The following TESK2 variants were observed in gnomAD, a reference collection of about 807,000 sequenced individuals.
The protein encoded by TESK2 is testis associated actin remodelling kinase 2.
Under a neutral mutation model 57.1 loss-of-function variants are expected in TESK2, and 39 were observed. That is an observed-to-expected ratio of 0.68 (90% confidence interval 0.53 to 0.89). The LOEUF (loss-of-function observed/expected upper bound fraction) is 0.89. Ranked by LOEUF, TESK2 falls within the 40% of genes least tolerant of loss-of-function variation. TESK2 has a pLI of 0.00. For synonymous variants in TESK2, 249 were observed against 267.9 expected, an observed-to-expected ratio of 0.93 and a Z score of 0.69; for missense variants, 646 against 732.1, an observed-to-expected ratio of 0.88 and a Z score of 1.36.
chr1:45,415,043 T>C (rs1650183756), intron 3 of TESK2: 1 of 1,202,796 alleles, frequency 8.3e-7, no homozygotes, highest in Non-Finnish European at 1.2e-6. Flanking sequence ...CACCATGTTC[T>C]TCAACATCAC....
chr1:45,350,094 A>G (rs944639609), intron 5 of TESK2, among the ~76,000 whole-genome samples: 4 of 152,182 alleles, frequency 2.6e-5, no homozygotes, highest in African/African-American at 9.7e-5. Flanking sequence ...GTGAGCCAAG[A>G]TCACACCACT....
chr1:45,471,113 C>G (rs1353325752), intron 1 of TESK2, among the ~76,000 whole-genome samples: 1 of 152,038 alleles, frequency 6.6e-6, no homozygotes. Flanking sequence ...CACCTATAGT[C>G]CCAGCTACTC....
intron 9 of TESK2, among the ~76,000 whole-genome samples, 186 bp downstream of exon 9, chr1:45,346,507 C>G (rs982362485): frequency 3.9e-5 from 6 of 152,184 alleles, no homozygotes; most frequent in African/African-American, 1.4e-4. Flanking sequence ...CAACTTCTTT[C>G]TTTCCTTTGT....
At chr1:45,412,960 C>T (rs1296658294) in intron 3 of TESK2, among the ~76,000 whole-genome samples, 1 of 152,078 alleles carries the variant, frequency 6.6e-6, no homozygotes, top group Admixed American at 6.6e-5. Flanking sequence ...GCAGAGATTG[C>T]AGTGAGCCTG....
At chr1:45,461,668 T>C (rs1237244926) in intron 1 of TESK2, among the ~76,000 whole-genome samples, 2 of 152,186 alleles carry the variant, frequency 1.3e-5, no homozygotes, top group Non-Finnish European at 2.9e-5. Flanking sequence ...TGAAGTAATA[T>C]ACAAAACATA....
chr1:45,390,449 G>A (rs1026650050), intron 3 of TESK2, among the ~76,000 whole-genome samples: 1 of 151,214 alleles, frequency 6.6e-6, no homozygotes, highest in Non-Finnish European at 1.5e-5. Context: ...GGGCAACAGA[G>A]CGAGACTCTG....
intron 3 of TESK2, among the ~76,000 whole-genome samples, chr1:45,389,577 G>C (rs2149276152): frequency 6.6e-6 from 1 of 152,300 alleles, no homozygotes; most frequent in African/African-American, 2.4e-5. Flanking sequence ...ATAACTGTAA[G>C]AAATAGTTTC....
chr1:45,359,439 A>T (rs1647582203), intron 4 of TESK2, among the ~76,000 whole-genome samples: 1 of 151,642 alleles, frequency 6.6e-6, no homozygotes, highest in South Asian at 2.1e-4. Flanking sequence ...GGGTGCCTGT[A>T]ATCCCAGCTA....
Position 45,344,835 on chromosome 1 carries a change from C to A in TESK2, c.*5G>T, listed in dbSNP as rs1347542816. On this transcript the variant is annotated 3_prime_UTR_variant, in exon 11 of 11. Coordinates refer to ENST00000372086, the MANE Select transcript of TESK2 (RefSeq NM_007170.3). ...TCCCCAAGGTGAGGCAGGGACTAAA[C>A]CCCCTCACCCATCCTGCTTTCCCTG... 4.4e-6 allele frequency: 7 copies of A among 1,609,106 alleles called. No homozygotes were observed. Among genetic ancestry groups the A allele is most frequent in the Non-Finnish European group, 5.1e-6 (6 of 1,177,926 alleles).
At chr1:45,411,610 G>A (rs1650042597) in intron 3 of TESK2, among the ~76,000 whole-genome samples, 1 of 151,896 alleles carries the variant, frequency 6.6e-6, no homozygotes, top group Non-Finnish European at 1.5e-5. Flanking sequence ...GACTCCTGCT[G>A]TAGCCCTACA....
chr1:45,344,813 C>T lies in TESK2; in HGVS notation c.*27G>A, dbSNP rs1287436930. On this transcript the variant is annotated 3_prime_UTR_variant, in exon 11 of 11. Transcript: ENST00000372086. ...TATGGTTTCAGCTGAAGGTCCATCC[C>T]CAAGGTGAGGCAGGGACTAAACCCC... The T allele has an allele frequency of 6.3e-7, 1 of 1,587,742 alleles. No individual in the cohort carries two copies. The highest frequency in any genetic ancestry group is 8.6e-7 in the Non-Finnish European group (1 of 1,164,030).
chr1:45,450,590 G>A (rs1475615674), intron 2 of TESK2, among the ~76,000 whole-genome samples: 1 of 152,094 alleles, frequency 6.6e-6, no homozygotes, highest in African/African-American at 2.4e-5. Flanking sequence ...AATTGTCATA[G>A]TTTAATTGGC....
intron 1 of TESK2, among the ~76,000 whole-genome samples, chr1:45,478,721 CTT>C (rs772741820): frequency 1.6e-4 from 23 of 142,028 alleles, no homozygotes; most frequent in Admixed American, 2.8e-4. Flanking sequence ...TGGTTTTTAA[CTT>C]TTTTTTTTTT....
At chr1:45,459,229 T>C (rs1652238098) in intron 1 of TESK2, among the ~76,000 whole-genome samples, 1 of 152,194 alleles carries the variant, frequency 6.6e-6, no homozygotes, top group Admixed American at 6.5e-5. Context: ...CAGAAGCTGC[T>C]GGCCAGGGGC....
intron 1 of TESK2, among the ~76,000 whole-genome samples, chr1:45,465,435 AG>A (rs1652507779): frequency 6.7e-6 from 1 of 149,602 alleles, no homozygotes; most frequent in Non-Finnish European, 1.5e-5. Context: ...AGAGAGAGAG[AG>A]AAAGAGAAAA....
In TESK2 at chr1:45,452,032, C is replaced by CAAAAAAAAAAAA. The variant is rs566363776; in HGVS notation, c.222+5520_222+5531dup. On this transcript the variant is annotated intron_variant, in intron 2 of 10. Coordinates refer to ENST00000372086, the MANE Select transcript of TESK2 (RefSeq NM_007170.3). Reference sequence around the variant, plus strand: ...TGGGAGACAGAACAAGACTCCGTCTCAAAAAAAAAAAAAAATTTATTTGGT... The same window carrying CAAAAAAAAAAAA: ...TGGGAGACAGAACAAGACTCCGTCTCAAAAAAAAAAAAAAAAAAAAAAAAAAATTTATTTGGT... Among the ~76,000 whole-genome samples the CAAAAAAAAAAAA allele has an allele frequency of 9.2e-4, 96 of 103,816 alleles. 2 individuals carry two copies. Among genetic ancestry groups the CAAAAAAAAAAAA allele is most frequent in the East Asian group, 8.6e-3 (37 of 4,288 alleles). The allele number at this position is 103,816 out of a possible 152,430, so 68.1% of individuals were successfully genotyped here.
At chr1:45,417,017 AC>A (rs1463477800) in intron 3 of TESK2, among the ~76,000 whole-genome samples, 2 of 151,062 alleles carry the variant, frequency 1.3e-5, no homozygotes, top group Non-Finnish European at 3.0e-5. Flanking sequence ...CGATCTCTTG[AC>A]CTCGTGATCC....
intron 2 of TESK2, among the ~76,000 whole-genome samples, chr1:45,444,698 G>A (rs925545068): frequency 1.3e-5 from 2 of 152,128 alleles, no homozygotes; most frequent in South Asian, 2.1e-4. Context: ...AAATGAAACC[G>A]CTTTTGCAAA....
At chr1:45,469,401 T>C (rs1454685489) in intron 1 of TESK2, among the ~76,000 whole-genome samples, 1 of 152,176 alleles carries the variant, frequency 6.6e-6, no homozygotes, top group African/African-American at 2.4e-5. Flanking sequence ...TTGTGACAAC[T>C]CTGCAAAGCA....
Sources: allele counts gnomAD v4.1 joint callset (sites outside exome capture counted in the v4.1 genomes callset), GRCh38; gene constraint gnomAD v4.1.1; transcripts MANE v1.5; gene names NCBI Gene and HGNC (gene_info 2026-07-23, HGNC 2026-07-21).